Variants in GRIK4 observed in about 807,000 individuals in gnomAD.
The protein encoded by GRIK4 is glutamate ionotropic receptor kainate type subunit 4.
A neutral mutation model predicts 104.9 loss-of-function variants in GRIK4; 40 were observed. The observed-to-expected ratio is 0.38, with a 90% CI of 0.30 to 0.50. The LOEUF is 0.50. GRIK4 is among the 20% of genes least tolerant of loss of function. The pLI is 0.93. For missense variants in GRIK4, 1,047 were observed against 1,308.1 expected, an observed-to-expected ratio of 0.80 and a Z score of 3.08; for synonymous variants, 485 against 524.9, an observed-to-expected ratio of 0.92 and a Z score of 1.04.
intron 3 of GRIK4, among the ~76,000 whole-genome samples, chr11:120,753,342 T>TGTGC (rs1491307184): frequency 1.7e-4 from 24 of 144,296 alleles, no homozygotes; most frequent in Admixed American, 1.5e-3. Flanking sequence ...TGTGTGTGTG[T>TGTGC]GCAGGGTGGC....
At chr11:120,781,919 T>C (rs1217750525) in intron 3 of GRIK4, among the ~76,000 whole-genome samples, 1 of 152,102 alleles carries the variant, frequency 6.6e-6, no homozygotes, top group East Asian at 1.9e-4. Flanking sequence ...CCTCACATGC[T>C]CCACTCCAGC....
chr11:120,844,267 C>G (rs972384740), intron 8 of GRIK4, among the ~76,000 whole-genome samples: 2 of 152,146 alleles, frequency 1.3e-5, no homozygotes, highest in Non-Finnish European at 1.5e-5. Flanking sequence ...ACTTAAATGT[C>G]ACTTCCCCAA....
intron 6 of GRIK4, among the ~76,000 whole-genome samples, chr11:120,824,938 T>G (rs1459280259): frequency 1.3e-5 from 2 of 152,054 alleles, no homozygotes; most frequent in Non-Finnish European, 2.9e-5. Flanking sequence ...TGTTTGTTTG[T>G]TTTTGAGACG....
intron 1 of GRIK4, among the ~76,000 whole-genome samples, chr11:120,594,476 A>G (rs1838203108): frequency 6.6e-6 from 1 of 152,176 alleles, no homozygotes; most frequent in Non-Finnish European, 1.5e-5. Context: ...AACCCTGTCT[A>G]AATAAATAAA....
intron 3 of GRIK4, among the ~76,000 whole-genome samples, chr11:120,685,869 C>T (rs1359255669): frequency 6.6e-6 from 1 of 152,134 alleles, no homozygotes; most frequent in African/African-American, 2.4e-5. Flanking sequence ...TTTGTGCCTC[C>T]CTCACCCTTT....
chr11:120,959,609 G>T (rs1408101201), intron 16 of GRIK4, among the ~76,000 whole-genome samples: 1 of 152,214 alleles, frequency 6.6e-6, no homozygotes, highest in Non-Finnish European at 1.5e-5. Flanking sequence ...CTGTTGACCA[G>T]ATGGGAGAAG....
intron 13 of GRIK4, among the ~76,000 whole-genome samples, chr11:120,922,726 G>C (rs945250356): frequency 2.0e-5 from 3 of 152,198 alleles, no homozygotes; most frequent in Non-Finnish European, 4.4e-5. Flanking sequence ...GCCTGGCTTA[G>C]TTGTGCCGAT....
intron 3 of GRIK4, among the ~76,000 whole-genome samples, chr11:120,689,290 T>G (rs979303705): frequency 7.9e-5 from 12 of 152,044 alleles, no homozygotes; most frequent in African/African-American, 2.7e-4. Context: ...CCTACCTGCC[T>G]CCCATCCCTC....
intron 3 of GRIK4, among the ~76,000 whole-genome samples, chr11:120,739,890 C>A (rs1468580674): frequency 1.3e-5 from 2 of 152,208 alleles, no homozygotes; most frequent in East Asian, 3.9e-4. Context: ...TGGCTCCAAA[C>A]AGAGTCCACT....
intron 1 of GRIK4, among the ~76,000 whole-genome samples, chr11:120,625,568 C>G (rs1217699907): frequency 6.6e-6 from 1 of 151,648 alleles, no homozygotes; most frequent in East Asian, 2.0e-4. Context: ...TTCCGTGGCT[C>G]TTTCTCTGGA....
chr11:120,844,020 T>C (rs1240687164), intron 8 of GRIK4, among the ~76,000 whole-genome samples: 3 of 152,204 alleles, frequency 2.0e-5, no homozygotes, highest in Non-Finnish European at 4.4e-5. Flanking sequence ...CAGCCAATTT[T>C]CCTCCCCTGG....
intron 1 of GRIK4, among the ~76,000 whole-genome samples, chr11:120,573,444 A>G (rs941879939): frequency 1.3e-5 from 2 of 151,472 alleles, no homozygotes; most frequent in Non-Finnish European, 2.9e-5. Flanking sequence ...CTGGCCCCAT[A>G]CCCACTCCCC....
At chr11:120,519,524 G>A (rs771474497) in intron 1 of GRIK4, among the ~76,000 whole-genome samples, 15 of 152,188 alleles carry the variant, frequency 9.9e-5, no homozygotes, top group African/African-American at 1.9e-4. Context: ...GGGCTTCCCC[G>A]CCTCCAGAAC....
intron 4 of GRIK4, among the ~76,000 whole-genome samples, chr11:120,811,194 G>A (rs1022418963): frequency 2.0e-5 from 3 of 152,140 alleles, no homozygotes; most frequent in African/African-American, 4.8e-5. Context: ...AGAGTCACTC[G>A]AATTTTACTT....
intron 4 of GRIK4, among the ~76,000 whole-genome samples, chr11:120,808,934 C>G (rs781440330): frequency 8.5e-5 from 13 of 152,112 alleles, no homozygotes; most frequent in Non-Finnish European, 1.6e-4. Context: ...CCATCTGGGC[C>G]CAGAGAGCAC....
At chr11:120,975,202 C>T (rs758796043) in intron 19 of GRIK4, among the ~76,000 whole-genome samples, 7 of 152,036 alleles carry the variant, frequency 4.6e-5, no homozygotes, top group African/African-American at 1.2e-4. Flanking sequence ...CTGTCTGGCA[C>T]GGTGGGAATG....
rs200071562 is a variant in GRIK4, at chr11:120,672,202, G to A, written c.82+11802G>A. On this transcript the variant is annotated intron_variant, in intron 3 of 20. Transcript: ENST00000527524. ...GGTGGCTGAGGCAGGCGGATCATGA[G>A]TTCGGGAGTTTGAGACCAGCTTGGT... Among the ~76,000 whole-genome samples, 4 of 152,142 alleles carry A rather than the reference G, an allele frequency of 2.6e-5. No homozygotes were observed. The East Asian group carries it at 7.7e-4, about 29-fold the overall frequency.
chr11:120,948,803 C>T (rs1943928403), intron 14 of GRIK4, among the ~76,000 whole-genome samples: 1 of 152,186 alleles, frequency 6.6e-6, no homozygotes, highest in Non-Finnish European at 1.5e-5. Flanking sequence ...TACCATTAGA[C>T]AGAAGGAGAG....
rs545978105 is a variant in GRIK4 at position 120,987,024 on chromosome 11, C to T, written c.*764C>T. ...CAGTAAACTTTGAGATGCCAAAAAG[C>T]AATTAACTCATCCTATACTCAGACC... is the stretch of plus-strand genomic sequence containing the variant. On this transcript the variant is annotated 3_prime_UTR_variant, in exon 21 of 21. Transcript: ENST00000527524. 5 of 152,320 alleles carry T rather than the reference C, an allele frequency of 3.3e-5. No homozygotes were observed. The highest frequency in any genetic ancestry group is 1.3e-4 in the Admixed American group (2 of 15,294). 9.4% of individuals were successfully genotyped at this position (152,320 alleles called of 1,614,324 possible).
Sources: allele counts gnomAD v4.1 joint callset (sites outside exome capture counted in the v4.1 genomes callset), GRCh38; gene constraint gnomAD v4.1.1; transcripts MANE v1.5; gene names NCBI Gene and HGNC (gene_info 2026-07-23, HGNC 2026-07-21).